CYB561A3: variants seen among roughly 807,000 people sequenced by gnomAD.
CYB561A3 encodes the protein lysosomal membrane ascorbate-dependent ferrireductase CYB561A3.
Under a neutral mutation model 25.3 loss-of-function variants are expected in CYB561A3, and 16 were observed. The ratio of observed to expected loss-of-function variants is 0.63; its 90% CI spans 0.43 to 0.96. The LOEUF (loss-of-function observed/expected upper bound fraction) is 0.96. Ranked by LOEUF, CYB561A3 falls within the 40% of genes least tolerant of loss-of-function variation. CYB561A3 has a pLI of 0.00. For synonymous variants in CYB561A3, 131 were observed against 129.9 expected (o/e 1.01, Z -0.06); for missense variants, 219 against 307.5 (o/e 0.71, Z 2.15).
intron 4 of CYB561A3, 179 bp downstream of exon 4, chr11:61,353,605 G>A: frequency 1.3e-6 from 1 of 765,418 alleles, no homozygotes; most frequent in South Asian, 1.5e-5. Context: ...AAGGAACAGG[G>A]TAAGTTCAGG....
At chr11:61,353,717 G>T in intron 4 of CYB561A3, 67 bp downstream of exon 4, 7 of 1,517,022 alleles carry the variant, frequency 4.6e-6, no homozygotes, top group Non-Finnish European at 6.4e-6. Flanking sequence ...TGGTGCTCAT[G>T]CAAGTGAACC....
rs1857327778 is a variant in CYB561A3 at position 61,350,121 on chromosome 11, G to A, written c.*278C>T. The A allele has an allele frequency of 1.7e-6, 1 of 576,586 alleles. No homozygotes were observed. Among genetic ancestry groups the A allele is most frequent in the Non-Finnish European group, 3.1e-6 (1 of 324,416 alleles). 35.7% of individuals were successfully genotyped at this position (576,586 alleles called of 1,614,324 possible). A position where few individuals can be genotyped will look rare whatever the true frequency, so the allele number is the denominator to read the frequency against. ...AGCAGACAGGCAGCAAGCAGCCAGA[G>A]AAGGCAGGCCCAGCACCCAGGCAAA... is the stretch of plus-strand genomic sequence containing the variant. On this transcript the variant is annotated 3_prime_UTR_variant, in exon 7 of 7. Transcript: ENST00000294072.
chr11:61,352,702 A>G (rs1054625637), intron 5 of CYB561A3: 3 of 852,412 alleles, frequency 3.5e-6, no homozygotes, highest in Non-Finnish European at 4.8e-6. Flanking sequence ...AACAATACCA[A>G]TCAATACCAA....
rs368201525 is a variant in CYB561A3 at position 61,356,724 on chromosome 11, C to T, written c.-11G>A. 11 of 1,613,556 alleles carry T rather than the reference C, an allele frequency of 6.8e-6. No homozygotes were observed. Among genetic ancestry groups the T allele is most frequent in the South Asian group, 1.1e-5 (1 of 91,038 alleles). ...CCGTCCAGACACCATTCTGATCACG[C>T]ACTCCTAGAAGAAGGAGAAGTCACA... is the stretch of plus-strand genomic sequence containing the variant. On this transcript the variant is annotated 5_prime_UTR_variant, in exon 3 of 7. Transcript: ENST00000294072.
At chr11:61,359,685 C>G (rs1156611925) in intron 1 of CYB561A3, 3 of 152,156 alleles carry the variant, frequency 2.0e-5, no homozygotes, top group Admixed American at 6.6e-5. Flanking sequence ...CACAGATAAG[C>G]CCTCCTACTT....
chr11:61,353,950 T>G lies in CYB561A3; in HGVS notation c.227A>C (p.Lys76Thr). ...YRLPQSWVGP[K>T]LPWKLLHAAL... ...TGCATGGAGGAGTTTCCAGGGCAGTTTGGGCCCCACCCACGACTGGGGCAG... is the reference window on the plus strand; with the variant it reads ...TGCATGGAGGAGTTTCCAGGGCAGTGTGGGCCCCACCCACGACTGGGGCAG... Residue 76 changes from lysine (K) to threonine (T), a missense_variant, in exon 4 of 7, where the codon AAA becomes ACA. Coordinates refer to ENST00000294072, the MANE Select transcript of CYB561A3 (RefSeq NM_153611.6). The G allele has an allele frequency of 6.2e-7, 1 of 1,614,120 alleles. No individual in the cohort carries two copies. Among genetic ancestry groups the G allele is most frequent in the South Asian group, 1.1e-5 (1 of 91,072 alleles).
chr11:61,360,302 A>G (rs1293402364), intron 1 of CYB561A3: 1 of 152,184 alleles, frequency 6.6e-6, no homozygotes, highest in Non-Finnish European at 1.5e-5. Flanking sequence ...ATATCCTCTC[A>G]TTTGTTCTAA....
Position 61,353,044 on chromosome 11 carries a change from G to A in CYB561A3, c.489C>T (p.Ile163=), listed in dbSNP as rs1158438018. The A allele has an allele frequency of 6.2e-7, 1 of 1,614,074 alleles. No homozygotes were observed. Among genetic ancestry groups the A allele is most frequent in the Non-Finnish European group, 8.5e-7 (1 of 1,180,056 alleles). The change falls in exon 5 of 7, where the codon ATC becomes ATT. Residue 163 remains isoleucine (I), a synonymous_variant. Coordinates refer to ENST00000294072, the MANE Select transcript of CYB561A3 (RefSeq NM_153611.6). ...TGACGGATGCGATGGACAGAGAGAGGATGGCGGCTCCAAAAAAGACGTGGA... is the reference window on the plus strand; with the variant it reads ...TGACGGATGCGATGGACAGAGAGAGAATGGCGGCTCCAAAAAAGACGTGGA... The part of the protein sequence containing the change: ...KPIHVFFGAA[I]LSLSIASVIS...
Position 61,353,799 on chromosome 11 carries a change from G to A in CYB561A3, c.378C>T (p.Phe126=). 1 of 1,614,242 alleles carries A rather than the reference G, an allele frequency of 6.2e-7. No individual in the cohort carries two copies. The highest frequency in any genetic ancestry group is 1.1e-5 in the South Asian group (1 of 91,086). ...GAGAACCCACCTGGCAGGCGAAGAGGAAGACAGTGGTGATGCCCAGCCAGC... is the reference window on the plus strand; with the variant it reads ...GAGAACCCACCTGGCAGGCGAAGAGAAAGACAGTGGTGATGCCCAGCCAGC... ...LHSWLGITTV[F]LFACQWFLGF... is the part of the protein sequence containing the mutation. Residue 126 remains phenylalanine (F), a synonymous_variant, in exon 4 of 7, where the codon TTC becomes TTT. Transcript: ENST00000294072.
Position 61,353,770 on chromosome 11 carries a change from C to T in CYB561A3, c.393+14G>A. 1 of 1,614,072 alleles carries T rather than the reference C, an allele frequency of 6.2e-7. No individual in the cohort carries two copies. The highest frequency in any genetic ancestry group is 8.5e-7 in the Non-Finnish European group (1 of 1,179,964). On this transcript the variant is annotated intron_variant, in intron 4 of 6. Transcript: ENST00000294072. ...GCTCTGGGAACCTCGAGGAGGAGAA[C>T]AGAGAGAACCCACCTGGCAGGCGAA...
At chr11:61,353,762 G>A (rs373717369) in intron 4 of CYB561A3, 22 bp downstream of exon 4, 20 of 1,613,662 alleles carry the variant, frequency 1.2e-5, no homozygotes, top group South Asian at 2.2e-5. Context: ...GAACCTCGAG[G>A]AGGAGAACAG....
At chr11:61,353,624 C>T (rs909374796) in intron 4 of CYB561A3, 160 bp downstream of exon 4, 3 of 855,312 alleles carry the variant, frequency 3.5e-6, no homozygotes, top group Non-Finnish European at 5.8e-6. Flanking sequence ...GGCCACTGAC[C>T]TCCCACAGCC....
Position 61,357,244 on chromosome 11 carries a change from A to G in CYB561A3, c.-16+489T>C, listed in dbSNP as rs1403834510. ...TCAGAAAAGTTCTTCCCCATAGAGT[A>G]AGCTCTATGGGGCTAATCTTCACTG... On this transcript the variant is annotated intron_variant, in intron 2 of 6. Coordinates refer to ENST00000294072, the MANE Select transcript of CYB561A3 (RefSeq NM_153611.6). The G allele has an allele frequency of 6.4e-6, 10 of 1,550,756 alleles. No homozygotes were observed. The East Asian group carries it at 2.4e-4, about 38-fold the overall frequency.
At chr11:61,350,964 C>A in intron 6 of CYB561A3, 27 bp downstream of exon 6, 1 of 1,604,032 alleles carries the variant, frequency 6.2e-7, no homozygotes, top group Non-Finnish European at 8.5e-7. Context: ...CCTGTCCCAC[C>A]CTGGAATGTG....
chr11:61,361,614 C>A (rs747629941), intron 1 of CYB561A3, 119 bp downstream of exon 1: 1 of 152,198 alleles, frequency 6.6e-6, no homozygotes, highest in East Asian at 1.9e-4. Flanking sequence ...AAGGTGCCCA[C>A]TTTCTAAAAG....
Position 61,349,500 on chromosome 11 carries a change from C to CT in CYB561A3, c.*898dup. 1.4e-6 allele frequency: 1 copy of CT among 701,498 alleles called. No homozygotes were observed. Among genetic ancestry groups the CT allele is most frequent in the Non-Finnish European group, 2.6e-6 (1 of 383,938 alleles). 43.5% of individuals were successfully genotyped at this position (701,498 alleles called of 1,614,324 possible). A position where few individuals can be genotyped will look rare whatever the true frequency, so the allele number is the denominator to read the frequency against. ...AAGTAGAGGAAGTCCACAGCCACCT[C>CT]TGTTACTCATCGCTACTGGGACATC... On this transcript the variant is annotated 3_prime_UTR_variant, in exon 7 of 7. Coordinates refer to ENST00000294072, the MANE Select transcript of CYB561A3 (RefSeq NM_153611.6).
Position 61,350,198 on chromosome 11 carries a change from C to G in CYB561A3, c.*201G>C. The G allele has an allele frequency of 1.5e-6, 1 of 661,014 alleles. No individual in the cohort carries two copies. The highest frequency in any genetic ancestry group is 4.2e-4 in the Middle Eastern group (1 of 2,390). 40.9% of individuals were successfully genotyped at this position (661,014 alleles called of 1,614,324 possible). On this transcript the variant is annotated 3_prime_UTR_variant, in exon 7 of 7. Coordinates refer to ENST00000294072, the MANE Select transcript of CYB561A3 (RefSeq NM_153611.6). ...AAGCGGCCGGAGAGGGCAGGCCCAGCACCCAGGCAAAGCCACCAAGGAAAG... is the reference window on the plus strand; with the variant it reads ...AAGCGGCCGGAGAGGGCAGGCCCAGGACCCAGGCAAAGCCACCAAGGAAAG...
At chr11:61,357,360 CT>C (rs1857687422) in intron 2 of CYB561A3, 2 of 751,530 alleles carry the variant, frequency 2.7e-6, no homozygotes, top group Non-Finnish European at 4.2e-6. Context: ...GAGACTTCTG[CT>C]TTCTCTTCCT....
At chr11:61,350,738 C>G in intron 6 of CYB561A3, 1 of 598,914 alleles carries the variant, frequency 1.7e-6, no homozygotes, top group Non-Finnish European at 2.9e-6. Context: ...ACACTTCACC[C>G]CACAGAACCA....
Sources: gnomAD v4.1 joint callset for allele counts on GRCh38, gnomAD v4.1.1 for gene constraint, MANE v1.5 for transcripts, NCBI Gene and HGNC (gene_info 2026-07-23, HGNC 2026-07-21) for gene names.